ZCCHC4: variants seen among roughly 807,000 people sequenced by gnomAD.
ZCCHC4 encodes zinc finger CCHC-type containing 4, also known as rRNA N(6)-adenosine-methyltransferase ZCCHC4.
ZCCHC4 carries 54 observed loss-of-function variants against 67.7 expected under a neutral mutation model. The observed-to-expected ratio is 0.80, with a 90% confidence interval of 0.64 to 1.00. The LOEUF is 1.00. Among genes scored for constraint, ZCCHC4 ranks in the 50% least tolerant of loss-of-function variants. ZCCHC4 has a pLI of 0.00. For missense variants in ZCCHC4, 609 were observed against 617.0 expected (o/e 0.99, Z 0.14); for synonymous variants, 198 against 213.5 (o/e 0.93, Z 0.63).
intron 12 of ZCCHC4, among the ~76,000 whole-genome samples, chr4:25,367,191 A>G (rs1393156618): frequency 6.6e-6 from 1 of 152,088 alleles, no homozygotes; most frequent in African/African-American, 2.4e-5. Context: ...TTAGTTGCTA[A>G]CTGGAATGAT....
intron 12 of ZCCHC4, among the ~76,000 whole-genome samples, chr4:25,366,517 C>T (rs1380168423): frequency 6.6e-6 from 1 of 151,962 alleles, no homozygotes; most frequent in Non-Finnish European, 1.5e-5. Flanking sequence ...GGGGTTTCGC[C>T]GTGTTAGCCA....
Position 25,351,593 on chromosome 4 carries a change from C to A in ZCCHC4, c.915C>A (p.Asp305Glu). The change falls in exon 8 of 13, where the codon GAC (aspartate) becomes GAA (glutamate). Residue 305 changes from aspartate (D) to glutamate (E), a missense_variant. Transcript: ENST00000302874. Reference sequence around the variant, plus strand: ...TTCCTTTTTGTGATCCATTAGATGACAGTCACAAAGAACTACCCATTTTCT... The same window carrying A: ...TTCCTTTTTGTGATCCATTAGATGAAAGTCACAAAGAACTACCCATTTTCT... ...AMWKEGQSQD[D>E]SHKELPIFWI... 1 of 1,602,308 alleles carries A rather than the reference C, an allele frequency of 6.2e-7. No individual in the cohort carries two copies. Among genetic ancestry groups the A allele is most frequent in the South Asian group, 1.1e-5 (1 of 89,012 alleles).
intron 3 of ZCCHC4, among the ~76,000 whole-genome samples, chr4:25,330,477 T>A (rs1719121231): frequency 6.6e-6 from 1 of 152,238 alleles, no homozygotes; most frequent in Non-Finnish European, 1.5e-5. Flanking sequence ...TGAGCAGGAT[T>A]TAGCAAACTA....
chr4:25,345,453 T>C (rs559799848), intron 5 of ZCCHC4, 95 bp from the exon 6 acceptor site: 3 of 781,650 alleles, frequency 3.8e-6, no homozygotes, highest in Non-Finnish European at 6.1e-6. Flanking sequence ...AAAATGAAAT[T>C]TTTTAAAGGT....
chr4:25,361,713 C>G, intron 8 of ZCCHC4, 146 bp from the exon 9 acceptor site: 1 of 792,986 alleles, frequency 1.3e-6, no homozygotes, highest in South Asian at 2.0e-5. Context: ...CCCCTCAGTC[C>G]TCAGCTTGGA....
chr4:25,347,678 T>C (rs1056041942), intron 6 of ZCCHC4, among the ~76,000 whole-genome samples: 7 of 152,172 alleles, frequency 4.6e-5, no homozygotes, highest in African/African-American at 1.7e-4. Flanking sequence ...CCAGGGTGCT[T>C]AGGAGAATAG....
At chr4:25,364,382 ATTT>A in intron 10 of ZCCHC4, 69 bp from the exon 11 acceptor site, 1 of 1,190,914 alleles carries the variant, frequency 8.4e-7, no homozygotes, top group Non-Finnish European at 1.1e-6. Flanking sequence ...AGACATTTTA[ATTT>A]TTAATTGTAG....
chr4:25,325,817 A>G (rs1371187032), intron 3 of ZCCHC4, among the ~76,000 whole-genome samples: 2 of 152,140 alleles, frequency 1.3e-5, no homozygotes, highest in Non-Finnish European at 2.9e-5. Flanking sequence ...TCTATGATCT[A>G]TTCGGGGTTA....
At chr4:25,318,469 A>G (rs1443105403) in intron 3 of ZCCHC4, among the ~76,000 whole-genome samples, 1 of 144,468 alleles carries the variant, frequency 6.9e-6, no homozygotes, top group East Asian at 2.1e-4. Context: ...TGATTCTCCT[A>G]TCAAGCCTCT....
At position 25,364,508 on chromosome 4, in the gene ZCCHC4, A is replaced by G. The variant is rs371138827; in HGVS notation, c.1261+3A>G. 26 of 1,560,290 alleles carry G rather than the reference A, an allele frequency of 1.7e-5. No homozygotes were observed. The highest frequency in any genetic ancestry group is 2.1e-5 in the Non-Finnish European group (24 of 1,158,368). ...CTGTAAAAAGTGTGTAAAGCCTTGTAAGTATTGAGACTTAGTGTTTGAGAT... is the reference window on the plus strand; with the variant it reads ...CTGTAAAAAGTGTGTAAAGCCTTGTGAGTATTGAGACTTAGTGTTTGAGAT... On this transcript the variant is annotated splice_donor_region_variant and intron_variant, in intron 11 of 12. Transcript: ENST00000302874.
intron 3 of ZCCHC4, 116 bp from the exon 4 acceptor site, chr4:25,333,067 A>T: frequency 1.0e-6 from 1 of 1,004,916 alleles, no homozygotes; most frequent in Non-Finnish European, 1.4e-6. Context: ...TTTCTTCTTT[A>T]CGCAGTACTC....
At chr4:25,319,121 C>T (rs1718436586) in intron 3 of ZCCHC4, among the ~76,000 whole-genome samples, 1 of 152,148 alleles carries the variant, frequency 6.6e-6, no homozygotes, top group Non-Finnish European at 1.5e-5. Context: ...CGGTGGCTCA[C>T]GCCTGTAATC....
At chr4:25,361,802 C>G in intron 8 of ZCCHC4, 57 bp from the exon 9 acceptor site, 1 of 1,504,496 alleles carries the variant, frequency 6.6e-7, no homozygotes. Context: ...GTTAAAGAAT[C>G]TTAATGTTGA....
At chr4:25,333,853 A>T in intron 4 of ZCCHC4, 55 bp from the exon 5 acceptor site, 1 of 1,202,744 alleles carries the variant, frequency 8.3e-7, no homozygotes, top group Non-Finnish European at 1.2e-6. Flanking sequence ...TTGTTTGTTT[A>T]TTGTCTATGA....
At chr4:25,350,125 A>G (rs1343549445) in intron 7 of ZCCHC4, among the ~76,000 whole-genome samples, 1 of 152,110 alleles carries the variant, frequency 6.6e-6, no homozygotes, top group Admixed American at 6.6e-5. Context: ...TTTGGAGGTT[A>G]GACATCCCAT....
In ZCCHC4 at chr4:25,333,408, CT is replaced by C; in HGVS notation, c.557del (p.Leu186TyrfsTer21). ...ATCGGAGCTGTCAGTTCTTGGTAGA[CT>C]TACTTTCTGCCCTCGGATTCAGAAG... is the stretch of plus-strand genomic sequence containing the variant. ...ADRSCQFLVD[L>X]LSALGFRRVL... On this transcript the variant is annotated frameshift_variant, in exon 4 of 13. Transcript: ENST00000302874. LOFTEE classifies it high-confidence loss of function. The C allele has an allele frequency of 6.2e-7, 1 of 1,614,194 alleles. No homozygotes were observed. The highest frequency in any genetic ancestry group is 2.2e-5 in the East Asian group (1 of 44,876).
At chr4:25,327,420 CCCTCCT>C (rs1292746154) in intron 3 of ZCCHC4, among the ~76,000 whole-genome samples, 2 of 126,758 alleles carry the variant, frequency 1.6e-5, no homozygotes, top group African/African-American at 6.6e-5. Context: ...TTCCCTCCTT[CCCTCCT>C]TCCCTCCTTC....
intron 3 of ZCCHC4, among the ~76,000 whole-genome samples, chr4:25,324,188 T>G: frequency 6.6e-6 from 1 of 151,022 alleles, no homozygotes. Flanking sequence ...TTTTTTTTTT[T>G]TGTATTTTAG....
At chr4:25,330,446 C>T (rs1027964229) in intron 3 of ZCCHC4, among the ~76,000 whole-genome samples, 2 of 152,112 alleles carry the variant, frequency 1.3e-5, no homozygotes, top group Non-Finnish European at 1.5e-5. Context: ...GGGACAGTTA[C>T]TTGTTGTAGT....
Sources: allele counts gnomAD v4.1 joint callset (sites outside exome capture counted in the v4.1 genomes callset), GRCh38; gene constraint gnomAD v4.1.1; transcripts MANE v1.5; gene names NCBI Gene and HGNC (gene_info 2026-07-23, HGNC 2026-07-21).